Variants in MLIP observed in about 807,000 individuals in gnomAD.
MLIP encodes muscular LMNA-interacting protein.
In MLIP, 79 loss-of-function variants were observed where a neutral mutation model predicts 84.8. The ratio of observed to expected loss-of-function variants is 0.93; its 90% CI spans 0.78 to 1.12. MLIP has a LOEUF of 1.12. Among genes scored for constraint, MLIP ranks in the 50% most tolerant of loss-of-function variants. The pLI, the probability that MLIP is intolerant of heterozygous loss-of-function variation, is 0.00. For synonymous variants in MLIP, 504 were observed against 463.0 expected, an observed-to-expected ratio of 1.09 and a Z score of -1.14; for missense variants, 1,257 against 1,160.6, an observed-to-expected ratio of 1.08 and a Z score of -1.21.
At chr6:54,054,430 CAAA>C (rs60998933) in intron 1 of MLIP, among the ~76,000 whole-genome samples, 91 of 131,238 alleles carry the variant, frequency 6.9e-4, no homozygotes, top group Middle Eastern at 4.1e-3. Flanking sequence ...GAAAAAAAGG[CAAA>C]AAAAAAAAAA....
intron 1 of MLIP, among the ~76,000 whole-genome samples, chr6:54,092,308 A>C (rs1011991058): frequency 5.3e-5 from 8 of 152,182 alleles, no homozygotes; most frequent in Non-Finnish European, 7.3e-5. Context: ...TGCAAATCAT[A>C]ATTATTGGCC....
chr6:54,152,904 C>T (rs1561989035), intron 5 of MLIP, among the ~76,000 whole-genome samples: 1 of 151,934 alleles, frequency 6.6e-6, no homozygotes, highest in Non-Finnish European at 1.5e-5. Context: ...AAAGAATATG[C>T]ATCTTTATTG....
chr6:54,050,104 C>T (rs1047804713), intron 1 of MLIP, among the ~76,000 whole-genome samples: 1 of 152,066 alleles, frequency 6.6e-6, no homozygotes, highest in Non-Finnish European at 1.5e-5. Flanking sequence ...TATTCATTTT[C>T]TTTTAAAGTA....
chr6:54,213,849 G>A (rs1779665509), intron 11 of MLIP, among the ~76,000 whole-genome samples: 1 of 151,200 alleles, frequency 6.6e-6, no homozygotes, highest in Non-Finnish European at 1.5e-5. Context: ...GTTGTAATTA[G>A]CTGATGTTTG....
At chr6:54,164,555 C>T (rs548669710) in intron 8 of MLIP, among the ~76,000 whole-genome samples, 1 of 152,034 alleles carries the variant, frequency 6.6e-6, no homozygotes, top group Admixed American at 6.6e-5. Flanking sequence ...CATATAATTA[C>T]TACCACATTC....
chr6:54,070,621 G>A (rs1426134778), intron 1 of MLIP, among the ~76,000 whole-genome samples: 2 of 152,156 alleles, frequency 1.3e-5, no homozygotes, highest in African/African-American at 4.8e-5. Context: ...CCAGGTCAAA[G>A]AGAAAATAAA....
chr6:54,222,650 C>T (rs1193781844), intron 11 of MLIP, among the ~76,000 whole-genome samples: 1 of 152,026 alleles, frequency 6.6e-6, no homozygotes, highest in Non-Finnish European at 1.5e-5. Context: ...AGTTTATTCC[C>T]ATTTCTTGGC....
intron 1 of MLIP, among the ~76,000 whole-genome samples, chr6:54,096,758 C>T (rs1282957083): frequency 6.6e-6 from 1 of 152,184 alleles, no homozygotes; most frequent in East Asian, 1.9e-4. Flanking sequence ...GTCTCTGCAT[C>T]TATCTCCAGA....
chr6:54,104,486 A>T (rs1168832210), intron 1 of MLIP, among the ~76,000 whole-genome samples: 1 of 152,130 alleles, frequency 6.6e-6, no homozygotes, highest in Non-Finnish European at 1.5e-5. Context: ...TCTTTCAGTC[A>T]ATCTATCATT....
At position 54,137,821 on chromosome 6, in the gene MLIP, T is replaced by G; in HGVS notation, c.1752T>G (p.Ser584=). Residue 584 remains serine, a synonymous_variant, in exon 4 of 14, where the codon TCT becomes TCG. Coordinates refer to ENST00000502396, the MANE Select transcript of MLIP (RefSeq NM_001281747.2). ...ENPRNIHTYP[S]TLASSALSSL... is the part of the protein sequence containing the mutation. Reference sequence around the variant, plus strand: ...CCAGAAACATTCACACGTACCCTTCTACATTAGCCTCCTCTGCATTATCTT... The same window carrying G: ...CCAGAAACATTCACACGTACCCTTCGACATTAGCCTCCTCTGCATTATCTT... 6.5e-7 allele frequency: 1 copy of G among 1,536,132 alleles called. No individual in the cohort carries two copies. Among genetic ancestry groups the G allele is most frequent in the Non-Finnish European group, 8.7e-7 (1 of 1,146,908 alleles).
At chr6:54,265,497 G>T (rs1282010280) in intron 13 of MLIP, among the ~76,000 whole-genome samples, 4 of 152,066 alleles carry the variant, frequency 2.6e-5, no homozygotes, top group Admixed American at 2.6e-4. Context: ...GTTCCTTTTT[G>T]CAAAAGCTGG....
chr6:54,079,095 A>C (rs778606365), intron 1 of MLIP, among the ~76,000 whole-genome samples: 2 of 152,186 alleles, frequency 1.3e-5, no homozygotes, highest in Non-Finnish European at 2.9e-5. Flanking sequence ...TACACTAAAA[A>C]CTTATTTGGT....
rs116358487 is a variant in MLIP at position 54,137,605 on chromosome 6, A to G, written c.1536A>G (p.Lys512=). 2.3e-3 allele frequency: 3,590 copies of G among 1,535,964 alleles called. 72 individuals are homozygous for G. In the African/African-American group the frequency reaches 0.041, roughly 18 times the overall value. The change falls in exon 4 of 14, where the codon AAA becomes AAG. Residue 512 remains lysine (K), a synonymous_variant. Transcript: ENST00000502396. The part of the protein sequence containing the change: ...LSQAPSLSPT[K]QASSSLASMN... ...AGGCGCCCTCCCTCTCTCCTACAAA[A>G]CAGGCTAGTAGCAGCCTTGCTTCCA... is the stretch of plus-strand genomic sequence containing the variant.
intron 13 of MLIP, among the ~76,000 whole-genome samples, chr6:54,265,338 C>G (rs960765783): frequency 1.5e-4 from 23 of 152,190 alleles, no homozygotes; most frequent in African/African-American, 5.5e-4. Flanking sequence ...CTGTTCCAGA[C>G]AGTTCAACCC....
intron 9 of MLIP, among the ~76,000 whole-genome samples, chr6:54,178,834 C>A (rs1445797358): frequency 3.3e-5 from 5 of 152,088 alleles, no homozygotes; most frequent in Admixed American, 6.6e-5. Context: ...TGAGAATGAT[C>A]CATGTGCTAA....
chr6:54,203,042 C>T (rs190654960), intron 11 of MLIP, among the ~76,000 whole-genome samples: 93 of 152,116 alleles, frequency 6.1e-4, no homozygotes, highest in South Asian at 1.5e-3. Flanking sequence ...GTAACAGAAT[C>T]GGGGATCAAG....
intron 11 of MLIP, among the ~76,000 whole-genome samples, chr6:54,208,084 T>C (rs917228955): frequency 1.3e-5 from 2 of 151,936 alleles, no homozygotes; most frequent in African/African-American, 4.8e-5. Context: ...GCTGAGATCG[T>C]GCCACTGCAC....
chr6:54,044,543 T>C (rs999105434), intron 1 of MLIP, among the ~76,000 whole-genome samples: 55 of 152,250 alleles, frequency 3.6e-4, no homozygotes, highest in Non-Finnish European at 5.9e-4. Flanking sequence ...GGCCCTTGTG[T>C]ATTGTTGTTC....
chr6:54,102,273 T>A (rs1055542579), intron 1 of MLIP, among the ~76,000 whole-genome samples: 1 of 152,146 alleles, frequency 6.6e-6, no homozygotes, highest in Non-Finnish European at 1.5e-5. Context: ...GAAAAGATAA[T>A]ATATTAAATA....
Sources: allele counts gnomAD v4.1 joint callset (sites outside exome capture counted in the v4.1 genomes callset), GRCh38; gene constraint gnomAD v4.1.1; transcripts MANE v1.5; gene names NCBI Gene and HGNC (gene_info 2026-07-23, HGNC 2026-07-21).